The following SHLD2 variants were observed in gnomAD, a reference collection of about 807,000 sequenced individuals.
SHLD2 encodes the protein RINN1-REV7-interacting novel NHEJ regulator 2.
Under a neutral mutation model 73.2 loss-of-function variants are expected in SHLD2, and 30 were observed. That is an observed-to-expected ratio of 0.41 (90% CI 0.31 to 0.56). The LOEUF is 0.56. Ranked by LOEUF, SHLD2 falls within the 20% of genes least tolerant of loss-of-function variation. The pLI is 0.28. For missense variants in SHLD2, 745 were observed against 1,055.9 expected (o/e 0.71, Z 4.08); for synonymous variants, 285 against 370.1 (o/e 0.77, Z 2.64).
intron 6 of SHLD2, among the ~76,000 whole-genome samples, chr10:87,173,303 T>C (rs1311942930): frequency 6.6e-6 from 1 of 152,142 alleles, no homozygotes; most frequent in Non-Finnish European, 1.5e-5. Context: ...GCTGGGATTA[T>C]AGGCATGAGC....
At chr10:87,130,907 C>G (rs1208425667) in intron 2 of SHLD2, among the ~76,000 whole-genome samples, 2 of 152,042 alleles carry the variant, frequency 1.3e-5, no homozygotes, top group African/African-American at 4.8e-5. Context: ...CCCATCTCTA[C>G]TATAGAAAAA....
At chr10:87,132,707 A>C (rs1400104040) in intron 2 of SHLD2, among the ~76,000 whole-genome samples, 1 of 152,014 alleles carries the variant, frequency 6.6e-6, no homozygotes, top group African/African-American at 2.4e-5. Context: ...CCAGGAGGTC[A>C]AGGCTGTGGT....
chr10:87,158,861 G>A (rs1179060777), intron 4 of SHLD2, among the ~76,000 whole-genome samples: 2 of 152,084 alleles, frequency 1.3e-5, no homozygotes, highest in African/African-American at 4.8e-5. Flanking sequence ...TCCAGTCTTT[G>A]TCTTTAGGCA....
At chr10:87,166,574 A>C (rs1448192725) in intron 4 of SHLD2, among the ~76,000 whole-genome samples, 2 of 152,212 alleles carry the variant, frequency 1.3e-5, no homozygotes, top group Non-Finnish European at 1.5e-5. Context: ...AATTCAGTGC[A>C]TGTTCAATAA....
chr10:87,169,146 T>G (rs1003642273), intron 4 of SHLD2, among the ~76,000 whole-genome samples: 1 of 152,310 alleles, frequency 6.6e-6, no homozygotes, highest in African/African-American at 2.4e-5. Flanking sequence ...ATATATAATT[T>G]GATGTTAGAG....
intron 2 of SHLD2, among the ~76,000 whole-genome samples, chr10:87,101,073 T>G (rs1842236774): frequency 6.6e-6 from 1 of 152,202 alleles, no homozygotes; most frequent in African/African-American, 2.4e-5. Flanking sequence ...GAGGATAAGT[T>G]TTGCACTTCT....
At chr10:87,184,364 A>G (rs1306901550) in intron 8 of SHLD2, among the ~76,000 whole-genome samples, 1 of 151,868 alleles carries the variant, frequency 6.6e-6, no homozygotes, top group Non-Finnish European at 1.5e-5. Context: ...ATTATGTACC[A>G]TATCCCACAT....
intron 2 of SHLD2, among the ~76,000 whole-genome samples, chr10:87,111,099 C>T (rs2134002108): frequency 6.6e-6 from 1 of 152,174 alleles, no homozygotes; most frequent in South Asian, 2.1e-4. Flanking sequence ...ACTGTGGCCT[C>T]CCAACGTGCT....
At chr10:87,171,297 A>G (rs551731244) in intron 6 of SHLD2, among the ~76,000 whole-genome samples, 17 of 152,064 alleles carry the variant, frequency 1.1e-4, no homozygotes, top group African/African-American at 3.9e-4. Context: ...AGCTTCTACA[A>G]TTTTTTTTCA....
intron 2 of SHLD2, among the ~76,000 whole-genome samples, chr10:87,143,887 G>A (rs1191037361): frequency 7.5e-6 from 1 of 133,086 alleles, no homozygotes; most frequent in Non-Finnish European, 1.5e-5. Context: ...TTTTTGTGAC[G>A]GAGTCTCACT....
intron 2 of SHLD2, among the ~76,000 whole-genome samples, chr10:87,121,459 T>C (rs1362512838): frequency 6.8e-6 from 1 of 147,992 alleles, no homozygotes; most frequent in Non-Finnish European, 1.5e-5. Flanking sequence ...TGTTGTGACC[T>C]TAGGCAAGCT....
intron 2 of SHLD2, among the ~76,000 whole-genome samples, chr10:87,102,275 GTTTGGGC>G (rs1842317434): frequency 6.6e-6 from 1 of 152,124 alleles, no homozygotes; most frequent in Non-Finnish European, 1.5e-5. Context: ...TAAGTTTCAA[GTTTGGGC>G]TTAGAAAGAA....
Position 87,163,074 on chromosome 10 carries a change from AT to A in SHLD2, c.1633+4921del, listed in dbSNP as rs200263000. Among the ~76,000 whole-genome samples the A allele has an allele frequency of 5.7e-3, 873 of 152,166 alleles. 6 individuals are homozygous for A. Among genetic ancestry groups the A allele is most frequent in the African/African-American group, 0.019 (777 of 41,500 alleles). On this transcript the variant is annotated intron_variant, in intron 4 of 9. Transcript: ENST00000298786. ...TAATTGCAAAATATATAGGAGAATG[AT>A]TCACTAAGTTATGCTACATTCACAT...
intron 2 of SHLD2, among the ~76,000 whole-genome samples, chr10:87,150,309 C>T (rs1057225232): frequency 6.6e-6 from 1 of 151,792 alleles, no homozygotes; most frequent in Non-Finnish European, 1.5e-5. Context: ...AAGTGATCCA[C>T]CCCCTTGGCC....
chr10:87,129,715 G>T (rs1844291211), intron 2 of SHLD2, among the ~76,000 whole-genome samples: 1 of 151,750 alleles, frequency 6.6e-6, no homozygotes, highest in African/African-American at 2.4e-5. Context: ...TGATTGCTCA[G>T]GCTCAAGCGA....
At chr10:87,188,106 A>G (rs952006035) in intron 9 of SHLD2, among the ~76,000 whole-genome samples, 2 of 152,188 alleles carry the variant, frequency 1.3e-5, no homozygotes, top group African/African-American at 4.8e-5. Context: ...TATTTGGTGC[A>G]TCCTAACCTG....
At chr10:87,161,489 TAAAC>T (rs1319851218) in intron 4 of SHLD2, among the ~76,000 whole-genome samples, 1 of 151,902 alleles carries the variant, frequency 6.6e-6, no homozygotes, top group African/African-American at 2.4e-5. Context: ...ACACAAATAA[TAAAC>T]AGAGGGCATA....
chr10:87,102,599 C>T (rs941925197), intron 2 of SHLD2, among the ~76,000 whole-genome samples: 1 of 152,104 alleles, frequency 6.6e-6, no homozygotes, highest in Non-Finnish European at 1.5e-5. Context: ...ATCCCAGCTA[C>T]TCAGGAGGCT....
At chr10:87,164,620 A>C (rs1000377540) in intron 4 of SHLD2, among the ~76,000 whole-genome samples, 7 of 152,132 alleles carry the variant, frequency 4.6e-5, no homozygotes, top group Admixed American at 3.3e-4. Flanking sequence ...GGGTCAGGGC[A>C]AATTCAGGAT....
Sources: allele counts gnomAD v4.1 joint callset (sites outside exome capture counted in the v4.1 genomes callset), GRCh38; gene constraint gnomAD v4.1.1; transcripts MANE v1.5; gene names NCBI Gene and HGNC (gene_info 2026-07-23, HGNC 2026-07-21).